Variants in PLEKHG6 observed in about 807,000 individuals in gnomAD.
The protein encoded by PLEKHG6 is pleckstrin homology and RhoGEF domain containing G6, also known as pleckstrin homology domain-containing family G member 6.
In PLEKHG6, 91 loss-of-function variants were observed where a neutral mutation model predicts 97.5. That is an observed-to-expected ratio of 0.93 (90% CI 0.79 to 1.11). The LOEUF (loss-of-function observed/expected upper bound fraction) is 1.11, where lower values mean the gene tolerates loss of function less well. Among genes scored for constraint, PLEKHG6 ranks in the 50% most tolerant of loss-of-function variants. The probability of loss-of-function intolerance (pLI) is 0.00; values close to 1 mark genes in which losing one functional copy is unlikely to be tolerated. For missense variants in PLEKHG6, 1,044 were observed against 1,031.0 expected (o/e 1.01, Z -0.17); for synonymous variants, 466 against 425.5 (o/e 1.10, Z -1.17).
At chr12:6,322,472 G>A (rs1947735028) in intron 13 of PLEKHG6, among the ~76,000 whole-genome samples, 1 of 152,188 alleles carries the variant, frequency 6.6e-6, no homozygotes, top group Non-Finnish European at 1.5e-5. Context: ...TTCCGGCTCG[G>A]TTCACTGTCC....
At chr12:6,313,477 C>A in intron 2 of PLEKHG6, 152 bp from the exon 3 acceptor site, 1 of 923,436 alleles carries the variant, frequency 1.1e-6, no homozygotes, top group Non-Finnish European at 1.6e-6. Flanking sequence ...CAGGAGCAGT[C>A]CACACCAAAC....
Position 6,316,013 on chromosome 12 carries a change from A to C in PLEKHG6, c.606+94A>C. 8.2e-7 allele frequency: 1 copy of C among 1,224,052 alleles called. No homozygotes were observed. Among genetic ancestry groups the C allele is most frequent in the African/African-American group, 1.5e-5 (1 of 66,080 alleles). 75.8% of individuals were successfully genotyped at this position (1,224,052 alleles called of 1,614,324 possible). ...TCCAGCCATCCCTGTCTGAATTCCC[A>C]CTGCCCCGTTTTTTGGGATGCCTTG... On this transcript the variant is annotated intron_variant, in intron 6 of 15. Coordinates refer to ENST00000684764, the MANE Select transcript of PLEKHG6 (RefSeq NM_001384598.1). This position sits in a 1 kb window ranked among gnomAD's most constrained non-coding sequence, Gnocchi z 4.1.
In PLEKHG6 at chr12:6,326,600, T is replaced by C; in HGVS notation, c.1670+27T>C. ...TAAGGCTCACACGGACTACAAGGTCTCCCCGAGCAGGAGGAGGGAGCCATA... is the reference window on the plus strand; with the variant it reads ...TAAGGCTCACACGGACTACAAGGTCCCCCCGAGCAGGAGGAGGGAGCCATA... On this transcript the variant is annotated intron_variant, in intron 14 of 15. Transcript: ENST00000684764. The C allele has an allele frequency of 2.1e-6, 3 of 1,430,706 alleles. No individual in the cohort carries two copies. The South Asian group carries it at 4.7e-5, about 23-fold the overall frequency. 88.6% of individuals were successfully genotyped at this position (1,430,706 alleles called of 1,614,324 possible).
chr12:6,312,789 G>A lies in PLEKHG6; in HGVS notation c.138+425G>A, dbSNP rs1947320343. ...GGTGTCCCTACTCCTCCAGTGGTGG[G>A]TAGGGACAGGAGGGTGCCTGCCTTG... On this transcript the variant is annotated intron_variant, in intron 2 of 15. Transcript: ENST00000684764. 4 of 1,202,214 alleles carry A rather than the reference G, an allele frequency of 3.3e-6. No individual in the cohort carries two copies. In the African/African-American group the frequency reaches 4.6e-5, roughly 14 times the overall value. The allele number at this position is 1,202,214 out of a possible 1,614,324, so 74.5% of individuals were successfully genotyped here.
Position 6,315,979 on chromosome 12 carries a change from G to C in PLEKHG6, c.606+60G>C. 6.9e-7 allele frequency: 1 copy of C among 1,439,626 alleles called. No homozygotes were observed. The highest frequency in any genetic ancestry group is 9.5e-7 in the Non-Finnish European group (1 of 1,053,852). 89.2% of individuals were successfully genotyped at this position (1,439,626 alleles called of 1,614,324 possible). On this transcript the variant is annotated intron_variant, in intron 6 of 15. Transcript: ENST00000684764. This position sits in a 1 kb window ranked among gnomAD's most constrained non-coding sequence, Gnocchi z 4.5. The stretch of plus-strand genomic sequence containing the variant: ...CCCGACCTCTGAGCCTGGGGATGAG[G>C]GTGGGCCCTCCAGCCATCCCTGTCT...
chr12:6,317,465 C>A, intron 8 of PLEKHG6, 52 bp downstream of exon 8: 1 of 1,611,112 alleles, frequency 6.2e-7, no homozygotes. Context: ...GCCGGCCGGT[C>A]TCCAGCTGAG....
chr12:6,328,237 A>C lies in PLEKHG6; in HGVS notation c.*92A>C. The C allele has an allele frequency of 7.6e-7, 1 of 1,322,478 alleles. No homozygotes were observed. The highest frequency in any genetic ancestry group is 1.1e-6 in the Non-Finnish European group (1 of 918,718). The allele number at this position is 1,322,478 out of a possible 1,614,324, so 81.9% of individuals were successfully genotyped here. On this transcript the variant is annotated 3_prime_UTR_variant, in exon 16 of 16. Transcript: ENST00000684764. ...CCTCCGGCATCTGTGACTCTACCTC[A>C]AGGACCACATTTCCCAAAGGAAGCC...
rs1947945837 is a variant in PLEKHG6, at chr12:6,328,240, GACC to G, written c.*98_*100del. On this transcript the variant is annotated 3_prime_UTR_variant, in exon 16 of 16. Transcript: ENST00000684764. ...CCGGCATCTGTGACTCTACCTCAAG[GACC>G]ACATTTCCCAAAGGAAGCCTGGCCC... 7.7e-7 allele frequency: 1 copy of G among 1,305,694 alleles called. No individual in the cohort carries two copies. Among genetic ancestry groups the G allele is most frequent in the South Asian group, 1.2e-5 (1 of 81,636 alleles). 80.9% of individuals were successfully genotyped at this position (1,305,694 alleles called of 1,614,324 possible). A position where few individuals can be genotyped will look rare whatever the true frequency, so the allele number is the denominator to read the frequency against.
In PLEKHG6 at chr12:6,327,832, G is replaced by T. The variant is rs1947922666; in HGVS notation, c.2249G>T (p.Arg750Met). The T allele has an allele frequency of 2.0e-6, 3 of 1,510,396 alleles. No individual in the cohort carries two copies. In the African/African-American group the frequency reaches 4.2e-5, roughly 21 times the overall value. 93.6% of individuals were successfully genotyped at this position (1,510,396 alleles called of 1,614,324 possible). Residue 750 changes from arginine (R) to methionine (M), a missense_variant, in exon 15 of 16, where the codon AGG (arginine) becomes ATG (methionine). Arg to Met is a moderately conservative substitution (Grantham distance 91). Transcript: ENST00000684764. ...ATCCGGGAGGAGCTGGCCAGCCAAA[G>T]GATTGAGGGGGCCGAGGAGCCCCGG... ...REIREELASQ[R>M]IEGAEEPRDS...
At chr12:6,311,372 C>G (rs1277190257) in intron 1 of PLEKHG6, among the ~76,000 whole-genome samples, 2 of 152,158 alleles carry the variant, frequency 1.3e-5, no homozygotes, top group Non-Finnish European at 2.9e-5. Flanking sequence ...GGGCAGTGGC[C>G]GGACAGCTGG....
rs918130921 is a variant in PLEKHG6, at chr12:6,312,184, C to T, written c.-43C>T. ...CCCTAGGGGACCTCTTTCTCCTGGA[C>T]ATTGAAGATATGGCCCTTTGGAGGT... On this transcript the variant is annotated 5_prime_UTR_variant, in exon 2 of 16. Transcript: ENST00000684764. The T allele has an allele frequency of 7.6e-6, 11 of 1,440,598 alleles. No individual in the cohort carries two copies. Among genetic ancestry groups the T allele is most frequent in the Non-Finnish European group, 1.0e-5 (11 of 1,097,184 alleles). 89.2% of individuals were successfully genotyped at this position (1,440,598 alleles called of 1,614,324 possible). A position where few individuals can be genotyped will look rare whatever the true frequency, so the allele number is the denominator to read the frequency against.
At chr12:6,322,918 C>T (rs56073294) in intron 13 of PLEKHG6, among the ~76,000 whole-genome samples, 9,272 of 152,146 alleles carry the variant, frequency 0.061, 895 homozygotes, top group African/African-American at 0.2. Context: ...TTCCTGAAGG[C>T]TAGAGGCTCA....
chr12:6,320,373 T>C (rs1300925017), intron 13 of PLEKHG6, among the ~76,000 whole-genome samples: 1 of 152,188 alleles, frequency 6.6e-6, no homozygotes, highest in African/African-American at 2.4e-5. Flanking sequence ...CTCACAGTTC[T>C]GGAGGCCAGA....
Position 6,327,384 on chromosome 12 carries a change from T to TC in PLEKHG6, c.1804dup (p.Arg602ProfsTer68), listed in dbSNP as rs1947896589. 1.2e-6 allele frequency: 2 copies of TC among 1,613,754 alleles called. No individual in the cohort carries two copies. Among genetic ancestry groups the TC allele is most frequent in the East Asian group, 4.5e-5 (2 of 44,852 alleles). ...TTTGATCCCAGGCACCCCCACGGGG[T>TC]CCCGCTCCCCACTGAGCCGTCTACG... On this transcript the variant is annotated frameshift_variant, in exon 15 of 16. Transcript: ENST00000684764. LOFTEE classifies it high-confidence loss of function.
rs984472332 is a variant in PLEKHG6 at position 6,319,661 on chromosome 12, G to C, written c.1524+553G>C. On this transcript the variant is annotated intron_variant, in intron 13 of 15. Transcript: ENST00000684764. ...AGCCACTGGGAGAGCCCAAGATACA[G>C]CATCCCCTGAAGGTTTGTACAGCCT... 2.0e-6 allele frequency: 3 copies of C among 1,535,416 alleles called. No individual in the cohort carries two copies. In the African/African-American group the frequency reaches 4.1e-5, roughly 21 times the overall value.
At position 6,318,850 on chromosome 12, in the gene PLEKHG6, C is replaced by T. The variant is rs1947590178; in HGVS notation, c.1381C>T (p.Leu461Phe). Residue 461 changes from leucine (L) to phenylalanine (F), a missense_variant, in exon 12 of 16, where the codon CTC becomes TTC. Coordinates refer to ENST00000684764, the MANE Select transcript of PLEKHG6 (RefSeq NM_001384598.1). The part of the protein sequence containing the change: ...VIRPPLMLEK[L>F]VCQPLRDPNS... ...CCGACCCCCTCTCATGCTGGAGAAGCTCGTGTGCCAACCCCTGCGAGACCC... is the reference window on the plus strand; with the variant it reads ...CCGACCCCCTCTCATGCTGGAGAAGTTCGTGTGCCAACCCCTGCGAGACCC... 6.2e-7 allele frequency: 1 copy of T among 1,614,148 alleles called. No homozygotes were observed. Among genetic ancestry groups the T allele is most frequent in the Non-Finnish European group, 8.5e-7 (1 of 1,180,054 alleles).
chr12:6,312,952 C>T, intron 2 of PLEKHG6: 1 of 1,421,844 alleles, frequency 7.0e-7, no homozygotes, highest in South Asian at 1.5e-5. Context: ...GGGACATCCC[C>T]TGCCTCAATG....
At position 6,327,609 on chromosome 12, in the gene PLEKHG6, G is replaced by C; in HGVS notation, c.2026G>C (p.Glu676Gln). 1 of 1,580,280 alleles carries C rather than the reference G, an allele frequency of 6.3e-7. No homozygotes were observed. The highest frequency in any genetic ancestry group is 8.6e-7 in the Non-Finnish European group (1 of 1,163,172). Residue 676 changes from glutamate (E) to glutamine (Q), a missense_variant, in exon 15 of 16, where the codon GAG becomes CAG. Transcript: ENST00000684764. ...TWSEEEDGAS[E>Q]RGNVVVETLH... ...GTCTGAGGAAGAAGATGGGGCCTCC[G>C]AGCGAGGGAATGTGGTGGTGGAAAC...
chr12:6,317,641 A>T lies in PLEKHG6; in HGVS notation c.962A>T (p.His321Leu), dbSNP rs530126097. 8 of 1,614,028 alleles carry T rather than the reference A, an allele frequency of 5.0e-6. No homozygotes were observed. The South Asian group carries it at 8.8e-5, about 18-fold the overall frequency. Residue 321 changes from histidine to leucine, a missense_variant, in exon 9 of 16, where the codon CAT (histidine) becomes CTT (leucine). Physicochemically the swap from His to Leu is moderately conservative, Grantham distance 99. Transcript: ENST00000684764. ...ATCACCAAGTACCCACTGCTGCTCCATGCTGTGCTCAAGAGGAGCCCCGAG... is the reference window on the plus strand; with the variant it reads ...ATCACCAAGTACCCACTGCTGCTCCTTGCTGTGCTCAAGAGGAGCCCCGAG... ...QRITKYPLLL[H>L]AVLKRSPEAR...
Sources: allele counts gnomAD v4.1 joint callset (sites outside exome capture counted in the v4.1 genomes callset), GRCh38; gene constraint gnomAD v4.1.1; non-coding constraint Gnocchi (gnomAD v3.1); transcripts MANE v1.5; gene names NCBI Gene and HGNC (gene_info 2026-07-23, HGNC 2026-07-21).